SPON1: variants seen among roughly 807,000 people sequenced by gnomAD.
SPON1 encodes the protein spondin 1.
Under a neutral mutation model 111.7 loss-of-function variants are expected in SPON1, and 52 were observed. The ratio of observed to expected loss-of-function variants is 0.47; its 90% CI spans 0.37 to 0.59. SPON1 has a LOEUF of 0.59. Among genes scored for constraint, SPON1 ranks in the 20% least tolerant of loss-of-function variants. SPON1 has a pLI of 0.00. For synonymous variants in SPON1, 410 were observed against 395.8 expected, an observed-to-expected ratio of 1.04 and a Z score of -0.43; for missense variants, 957 against 1,068.5, an observed-to-expected ratio of 0.90 and a Z score of 1.46.
intron 1 of SPON1, among the ~76,000 whole-genome samples, chr11:13,975,599 A>G (rs573517583): frequency 6.6e-6 from 1 of 152,182 alleles, no homozygotes; most frequent in African/African-American, 2.4e-5. Flanking sequence ...GAAAAGGGGT[A>G]TTGTGTGGAG....
chr11:14,227,051 A>G (rs1419327482), intron 6 of SPON1, among the ~76,000 whole-genome samples: 2 of 152,226 alleles, frequency 1.3e-5, no homozygotes, highest in East Asian at 3.8e-4. Context: ...CATTAACAAT[A>G]TCTGCAAGGC....
At chr11:13,990,697 C>T (rs12282612) in intron 2 of SPON1, among the ~76,000 whole-genome samples, 7,144 of 151,978 alleles carry the variant, frequency 0.047, 552 homozygotes, top group African/African-American at 0.16. Flanking sequence ...CATATTTTTG[C>T]GGTGGCTGAT....
intron 7 of SPON1, among the ~76,000 whole-genome samples, chr11:14,246,308 T>A (rs1554940248): frequency 6.6e-6 from 1 of 152,134 alleles, no homozygotes; most frequent in Non-Finnish European, 1.5e-5. Flanking sequence ...GCGCTGACAT[T>A]TATTATCCCT....
At position 14,045,147 on chromosome 11, in the gene SPON1, G is replaced by A. The variant is rs868956008; in HGVS notation, c.479+3493G>A. Among the ~76,000 whole-genome samples, 7 of 152,306 alleles carry A rather than the reference G, an allele frequency of 4.6e-5. No homozygotes were observed. The South Asian group carries it at 1.0e-3, about 23-fold the overall frequency. The stretch of plus-strand genomic sequence containing the variant: ...GCCAACTTAAACACTCTCCCTGACT[G>A]TGAACAAGAGAGCCTAAATCTTTAC... On this transcript the variant is annotated intron_variant, in intron 3 of 15. Coordinates refer to ENST00000576479, the MANE Select transcript of SPON1 (RefSeq NM_006108.4).
chr11:14,258,954 T>C (rs772466122), intron 11 of SPON1, among the ~76,000 whole-genome samples: 1 of 152,246 alleles, frequency 6.6e-6, no homozygotes, highest in South Asian at 2.1e-4. Flanking sequence ...TGGATTATGA[T>C]TTATCTTAAA....
At chr11:14,257,407 A>G (rs782526845) in intron 10 of SPON1, among the ~76,000 whole-genome samples, 13 of 152,244 alleles carry the variant, frequency 8.5e-5, no homozygotes, top group Non-Finnish European at 1.8e-4. Context: ...AAAATTACCT[A>G]CAATGAGCCT....
At chr11:13,974,713 G>A (rs1400099572) in intron 1 of SPON1, among the ~76,000 whole-genome samples, 1 of 152,130 alleles carries the variant, frequency 6.6e-6, no homozygotes, top group Non-Finnish European at 1.5e-5. Flanking sequence ...ACAACCTCCA[G>A]CCTGATCTTC....
intron 5 of SPON1, among the ~76,000 whole-genome samples, chr11:14,113,454 G>A (rs1193130028): frequency 6.6e-6 from 1 of 152,086 alleles, no homozygotes; most frequent in Non-Finnish European, 1.5e-5. Flanking sequence ...AAGGCTAAGA[G>A]GCTGTTCTCC....
chr11:14,173,954 G>C (rs1554932819), intron 6 of SPON1, among the ~76,000 whole-genome samples: 1 of 152,296 alleles, frequency 6.6e-6, no homozygotes, highest in Non-Finnish European at 1.5e-5. Flanking sequence ...ACTTGAGGAG[G>C]CAGTCTGCCC....
chr11:14,154,050 T>C (rs1171316047), intron 6 of SPON1, among the ~76,000 whole-genome samples: 1 of 152,230 alleles, frequency 6.6e-6, no homozygotes, highest in Non-Finnish European at 1.5e-5. Flanking sequence ...TCTGTGGCTA[T>C]GCAGGGTATA....
intron 6 of SPON1, among the ~76,000 whole-genome samples, chr11:14,238,752 G>A (rs1044478591): frequency 1.3e-5 from 2 of 152,208 alleles, no homozygotes; most frequent in African/African-American, 4.8e-5. Context: ...AAGTACAGCT[G>A]TTGTATCCCC....
At chr11:14,209,358 C>T (rs1380235633) in intron 6 of SPON1, among the ~76,000 whole-genome samples, 3 of 151,208 alleles carry the variant, frequency 2.0e-5, no homozygotes, top group Non-Finnish European at 4.4e-5. Flanking sequence ...GTTTGCTGCA[C>T]CCATCAACCC....
At chr11:14,114,439 T>C (rs1210320811) in intron 5 of SPON1, among the ~76,000 whole-genome samples, 1 of 152,218 alleles carries the variant, frequency 6.6e-6, no homozygotes, top group Non-Finnish European at 1.5e-5. Context: ...ACAGATTGTT[T>C]GACACATCTC....
intron 5 of SPON1, among the ~76,000 whole-genome samples, chr11:14,113,434 G>A (rs957289660): frequency 1.3e-4 from 20 of 152,274 alleles, no homozygotes; most frequent in African/African-American, 4.8e-4. Context: ...CTGCTTTTGT[G>A]TTCTTAAATA....
chr11:14,183,485 A>C (rs1848255756), intron 6 of SPON1, among the ~76,000 whole-genome samples: 1 of 152,220 alleles, frequency 6.6e-6, no homozygotes, highest in Non-Finnish European at 1.5e-5. Context: ...AAATGTTTTT[A>C]AGTTCTCATT....
rs869043393 is a variant in SPON1 at position 14,161,295 on chromosome 11, TTA to T, written c.825+25737_825+25738del. ...TGTATATCTATATATATTTATATAT[TTA>T]TATATATATTTTTTTATATCTATAT... On this transcript the variant is annotated intron_variant, in intron 6 of 15. Transcript: ENST00000576479. Among the ~76,000 whole-genome samples, 21 of 25,906 alleles carry T rather than the reference TTA, an allele frequency of 8.1e-4. 6 individuals carry two copies. The South Asian group carries it at 0.016, about 20-fold the overall frequency. The allele number at this position is 25,906 out of a possible 152,430, so 17.0% of individuals were successfully genotyped here.
chr11:13,964,365 G>C (rs147478741), intron 1 of SPON1, among the ~76,000 whole-genome samples: 1 of 152,294 alleles, frequency 6.6e-6, no homozygotes, highest in Non-Finnish European at 1.5e-5. Context: ...TTTCCTCCTC[G>C]CCTTCCCAGT....
intron 6 of SPON1, among the ~76,000 whole-genome samples, chr11:14,203,323 C>G (rs1848483827): frequency 6.6e-6 from 1 of 152,158 alleles, no homozygotes; most frequent in Non-Finnish European, 1.5e-5. Flanking sequence ...TCCATTAACC[C>G]CACACACACA....
chr11:14,073,491 A>G (rs1310100367), intron 3 of SPON1, among the ~76,000 whole-genome samples: 1 of 152,100 alleles, frequency 6.6e-6, no homozygotes, highest in Non-Finnish European at 1.5e-5. Flanking sequence ...CCATGAGCCC[A>G]TGTCCCTCCC....
Sources: gnomAD v4.1 joint callset for allele counts (sites outside exome capture counted in the v4.1 genomes callset) on GRCh38, gnomAD v4.1.1 for gene constraint, MANE v1.5 for transcripts, NCBI Gene and HGNC (gene_info 2026-07-23, HGNC 2026-07-21) for gene names.